IL17REL: variants seen among roughly 807,000 people sequenced by gnomAD.
The protein encoded by IL17REL is interleukin 17 receptor E like.
Under a neutral mutation model 49.0 loss-of-function variants are expected in IL17REL, and 36 were observed. The ratio of observed to expected loss-of-function variants is 0.73; its 90% confidence interval spans 0.56 to 0.97. IL17REL has a LOEUF of 0.97. Among genes scored for constraint, IL17REL ranks in the 50% least tolerant of loss-of-function variants. IL17REL has a pLI of 0.00. For synonymous variants in IL17REL, 206 were observed against 192.4 expected (o/e 1.07, Z -0.58); for missense variants, 470 against 453.9 (o/e 1.04, Z -0.32).
intron 1 of IL17REL, among the ~76,000 whole-genome samples, chr22:50,004,641 A>G (rs1193141099): frequency 2.0e-4 from 31 of 151,262 alleles, no homozygotes; most frequent in East Asian, 1.6e-3. Flanking sequence ...AGGGCAGATC[A>G]CCAGAGGTCA....
chr22:50,004,409 T>G (rs1359331933), intron 1 of IL17REL, among the ~76,000 whole-genome samples: 2 of 152,052 alleles, frequency 1.3e-5, no homozygotes, highest in Non-Finnish European at 2.9e-5. Context: ...GCTGGATGGT[T>G]TGGGGATAAA....
intron 5 of IL17REL, 32 bp downstream of exon 7, chr22:49,999,796 G>A (rs1354120342): frequency 6.1e-6 from 9 of 1,471,528 alleles, no homozygotes; most frequent in Non-Finnish European, 7.2e-6. Flanking sequence ...CGGGGCCTAA[G>A]GCTGACCGGG....
chr22:49,997,952 GC>G, intron 9 of IL17REL, 72 bp downstream of exon 11: 1 of 1,559,356 alleles, frequency 6.4e-7, no homozygotes, highest in Non-Finnish European at 8.7e-7. Flanking sequence ...AAGGGCCCCT[GC>G]CCCACTCCCC....
intron 1 of IL17REL, among the ~76,000 whole-genome samples, chr22:50,005,568 G>A (rs1159463795): frequency 2.0e-5 from 3 of 152,098 alleles, no homozygotes; most frequent in Non-Finnish European, 2.9e-5. Context: ...TCGGGAGGTC[G>A]AGGCGGGCGG....
intron 5 of IL17REL, 91 bp downstream of exon 7, chr22:49,999,737 G>A: frequency 1.2e-6 from 1 of 861,788 alleles, no homozygotes; most frequent in South Asian, 5.7e-5. Flanking sequence ...GGCGGGGCGC[G>A]GGGTGGGCGG....
At chr22:50,009,547 G>A (rs2061127444), upstream of IL17REL, among the ~76,000 whole-genome samples, 1 of 151,994 alleles carries the variant, frequency 6.6e-6, no homozygotes, top group Non-Finnish European at 1.5e-5. Flanking sequence ...CTGAGCCTGG[G>A]GTGTTGGACT....
At chr22:49,998,839 A>G (rs1390645798) in intron 7 of IL17REL, among the ~76,000 whole-genome samples, 1 of 138,746 alleles carries the variant, frequency 7.2e-6, no homozygotes, top group African/African-American at 2.7e-5. Context: ...GTGCATGTGT[A>G]TGTGTGTGCA....
At chr22:50,003,593 C>T (rs772490508) in intron 1 of IL17REL, among the ~76,000 whole-genome samples, 18 of 150,718 alleles carry the variant, frequency 1.2e-4, no homozygotes, top group Admixed American at 2.6e-4. Context: ...GAGGCCACTG[C>T]ACCCAACTGA....
At position 49,998,909 on chromosome 22, in the gene IL17REL, G is replaced by A. The variant is rs188491995; in HGVS notation, c.601+382C>T. 7.5e-4 allele frequency among the ~76,000 whole-genome samples: 114 copies of A among 152,094 alleles called. 1 individual carries two copies. Among genetic ancestry groups the A allele is most frequent in the Non-Finnish European group, 1.5e-3 (103 of 67,960 alleles). On this transcript the variant is annotated intron_variant, in intron 7 of 12. Coordinates refer to ENST00000341280, the Ensembl canonical transcript of IL17REL. ...CATGTGTGTGTGCATGTGTATGGGC[G>A]TGTATGTTCATGGGTGTCTGTGCAT... is the stretch of plus-strand genomic sequence containing the variant.
intron 1 of IL17REL, among the ~76,000 whole-genome samples, chr22:50,007,301 T>A (rs992795610): frequency 6.6e-6 from 1 of 152,054 alleles, no homozygotes; most frequent in African/African-American, 2.4e-5. Context: ...GCAGAATATG[T>A]GATCATCATT....
At chr22:50,006,295 C>T (rs1367930998) in intron 1 of IL17REL, among the ~76,000 whole-genome samples, 1 of 152,090 alleles carries the variant, frequency 6.6e-6, no homozygotes, top group Admixed American at 6.6e-5. Context: ...GTTGGGCCCA[C>T]CAGGAAGACC....
At chr22:50,001,284 C>G (rs1011038203) in intron 1 of IL17REL, 53 bp from the exon 3 acceptor site, 6 of 782,018 alleles carry the variant, frequency 7.7e-6, no homozygotes, top group African/African-American at 1.7e-5. Context: ...CTCGGAAAGG[C>G]TTTGTGGGTG....
exon 8 of IL17REL, chr22:49,998,213 A>G: frequency 6.2e-7 from 1 of 1,612,432 alleles, no homozygotes; most frequent in Non-Finnish European, 8.5e-7. Context: ...GCACAGGCTC[A>G]CATGGCCACT....
chr22:49,997,443 G>A (rs1245917611), intron 10 of IL17REL: 1 of 1,601,318 alleles, frequency 6.2e-7, no homozygotes, highest in Admixed American at 1.7e-5. Flanking sequence ...TGACCCGGAG[G>A]TGGCCCTTTG....
At chr22:49,996,701 CCCCA>C (rs1288129733) in exon 13 of IL17REL, 1 of 314,260 alleles carries the variant, frequency 3.2e-6, no homozygotes, top group African/African-American at 2.2e-5. Flanking sequence ...TCCCCGTTTC[CCCCA>C]CCCAGTCTCC....
At position 49,996,982 on chromosome 22, in the gene IL17REL, A is replaced by T; in HGVS notation, c.*44+12T>A. On this transcript the variant is annotated intron_variant, in intron 12 of 12. Transcript: ENST00000341280. ...GAGATGGCTAGGGGCTGGGCACAGCAGCGACACCCACCTGGATGCAGATGC... is the reference window on the plus strand; with the variant it reads ...GAGATGGCTAGGGGCTGGGCACAGCTGCGACACCCACCTGGATGCAGATGC... 7.1e-7 allele frequency: 1 copy of T among 1,409,780 alleles called. No individual in the cohort carries two copies. Among genetic ancestry groups the T allele is most frequent in the Non-Finnish European group, 9.6e-7 (1 of 1,038,356 alleles). The allele number at this position is 1,409,780 out of a possible 1,614,324, so 87.3% of individuals were successfully genotyped here.
exon 13 of IL17REL, chr22:49,996,696 G>A (rs1321094099): frequency 1.7e-5 from 5 of 297,746 alleles, no homozygotes; most frequent in Admixed American, 1.5e-4. Context: ...TGGTCTCCCC[G>A]TTTCCCCCAC....
At chr22:49,995,085 A>T (rs1287141230) in exon 13 of IL17REL, 1 of 152,434 alleles carries the variant, frequency 6.6e-6, no homozygotes, top group Non-Finnish European at 1.5e-5. Context: ...GGATGCACAG[A>T]CAGGAGAGGT....
rs556296402 is a variant in IL17REL at position 50,000,929 on chromosome 22, G to A, written c.110-66C>T. ...GCCGCCCCTGGCTCCGGACGGGGCC[G>A]TGGGACCCTGTTCCTCTGCCTTCTC... On this transcript the variant is annotated intron_variant, in intron 2 of 12. Transcript: ENST00000341280. 1.2e-4 allele frequency: 157 copies of A among 1,325,788 alleles called. 1 individual carries two copies. Among genetic ancestry groups the A allele is most frequent in the Non-Finnish European group, 1.5e-4 (144 of 973,972 alleles). The allele number at this position is 1,325,788 out of a possible 1,614,324, so 82.1% of individuals were successfully genotyped here. A position where few individuals can be genotyped will look rare whatever the true frequency, so the allele number is the denominator to read the frequency against.
Sources: gnomAD v4.1 joint callset for allele counts (sites outside exome capture counted in the v4.1 genomes callset) on GRCh38, gnomAD v4.1.1 for gene constraint, MANE v1.5 for transcripts, NCBI Gene and HGNC (gene_info 2026-07-23, HGNC 2026-07-21) for gene names.